The following CROCC2 variants were observed in gnomAD, a reference collection of about 807,000 sequenced individuals.
CROCC2 encodes the protein ciliary rootlet coiled-coil, rootletin family member 2, also known as ciliary rootlet coiled-coil protein 2.
CROCC2 carries 163 observed loss-of-function variants against 177.6 expected under a neutral mutation model. That is an observed-to-expected ratio of 0.92 (90% CI 0.81 to 1.05). The LOEUF (loss-of-function observed/expected upper bound fraction) is 1.05, where lower values mean the gene tolerates loss of function less well. Among genes scored for constraint, CROCC2 ranks in the 50% least tolerant of loss-of-function variants. The pLI is 0.00. For synonymous variants in CROCC2, 904 were observed against 787.3 expected, an observed-to-expected ratio of 1.15 and a Z score of -2.48; for missense variants, 1,929 against 1,797.8, an observed-to-expected ratio of 1.07 and a Z score of -1.32.
At chr2:240,992,526 T>C (rs745912527) in intron 31 of CROCC2, among the ~76,000 whole-genome samples, 1 of 152,270 alleles carries the variant, frequency 6.6e-6, no homozygotes, top group African/African-American at 2.4e-5. Flanking sequence ...GAGGTGGGCA[T>C]ATAGGCTCCT....
At chr2:240,933,614 G>A (rs927968485) in intron 10 of CROCC2, 56 bp from the exon 11 acceptor site, 17 of 1,516,882 alleles carry the variant, frequency 1.1e-5, no homozygotes, top group South Asian at 2.5e-5. Context: ...ACCAAGGCAC[G>A]CGGTGCACCT....
At chr2:240,966,752 T>A (rs1574785896) in intron 25 of CROCC2, among the ~76,000 whole-genome samples, 2 of 152,210 alleles carry the variant, frequency 1.3e-5, no homozygotes, top group South Asian at 4.1e-4. Context: ...CTCCCCTCAA[T>A]GCTCCCAAAG....
intron 5 of CROCC2, among the ~76,000 whole-genome samples, chr2:240,927,795 C>T (rs1004649033): frequency 1.8e-4 from 27 of 152,296 alleles, no homozygotes; most frequent in African/African-American, 5.5e-4. Context: ...GGATTACAGG[C>T]GTGTGCCACC....
chr2:240,929,125 G>C (rs1163097067), intron 5 of CROCC2, among the ~76,000 whole-genome samples: 1 of 152,302 alleles, frequency 6.6e-6, no homozygotes, highest in Non-Finnish European at 1.5e-5. Context: ...TATGGGCTCA[G>C]CTGGGGGGAA....
rs1453306159 is a variant in CROCC2 at position 240,976,333 on chromosome 2, T to C, written c.4402-6547T>C. Among the ~76,000 whole-genome samples the C allele has an allele frequency of 3.2e-4, 35 of 108,456 alleles. 1 individual carries two copies. The highest frequency in any genetic ancestry group is 1.0e-3 in the African/African-American group (30 of 29,404). The allele number at this position is 108,456 out of a possible 152,430, so 71.2% of individuals were successfully genotyped here. A position where few individuals can be genotyped will look rare whatever the true frequency, so the allele number is the denominator to read the frequency against. ...AGCCCAGGCTCATCCCTGCTCAGTC[T>C]CTGGGGTAGGAGCCTCAGGAGCCCA... On this transcript the variant is annotated intron_variant, in intron 27 of 31. Coordinates refer to ENST00000690015, the MANE Select transcript of CROCC2 (RefSeq NM_001351305.2).
chr2:240,948,917 G>A (rs1237505641), intron 15 of CROCC2, 62 bp from the exon 16 acceptor site: 2 of 1,460,466 alleles, frequency 1.4e-6, no homozygotes, highest in Middle Eastern at 1.8e-4. Flanking sequence ...TAAAGCTATA[G>A]AGAGCATTTT....
Position 240,965,938 on chromosome 2 carries a change from G to A in CROCC2, c.3906G>A (p.Gly1302=), listed in dbSNP as rs1474203605. 7.1e-7 allele frequency: 1 copy of A among 1,411,190 alleles called. No homozygotes were observed. Among genetic ancestry groups the A allele is most frequent in the Non-Finnish European group, 9.2e-7 (1 of 1,086,238 alleles). The allele number at this position is 1,411,190 out of a possible 1,614,324, so 87.4% of individuals were successfully genotyped here. The change falls in exon 24 of 32, where the codon GGG becomes GGA. Residue 1302 remains glycine (G), a synonymous_variant. Transcript: ENST00000690015. Reference sequence around the variant, plus strand: ...GCTCCACGCTCCGCCGTGGCCTGGGGCTCCAGAGACAGAGCCCGTGGGCCT... The same window carrying A: ...GCTCCACGCTCCGCCGTGGCCTGGGACTCCAGAGACAGAGCCCGTGGGCCT... ...RLCSTLRRGL[G]LQRQSPWASP... is the part of the protein sequence containing the mutation.
intron 11 of CROCC2, 136 bp downstream of exon 11, chr2:240,933,988 G>A: frequency 1.0e-6 from 1 of 985,820 alleles, no homozygotes; most frequent in Non-Finnish European, 1.5e-6. Flanking sequence ...CCCTAACAGG[G>A]CAGGGGCGGG....
In CROCC2 at chr2:240,916,201, C is replaced by T. The variant is rs1478495729; in HGVS notation, c.79-2525C>T. 2.6e-5 allele frequency among the ~76,000 whole-genome samples: 4 copies of T among 151,998 alleles called. 1 individual carries two copies. The highest frequency in any genetic ancestry group is 2.6e-4 in the Admixed American group (4 of 15,268). On this transcript the variant is annotated intron_variant, in intron 1 of 31. Coordinates refer to ENST00000690015, the MANE Select transcript of CROCC2 (RefSeq NM_001351305.2). ...AAGCGCTTAGGCTGGCGGCACAGGC[C>T]TCCGGACACGCCGACCTCCACCTTC... is the stretch of plus-strand genomic sequence containing the variant.
At chr2:240,919,307 G>A (rs1236626779) in intron 2 of CROCC2, among the ~76,000 whole-genome samples, 1 of 152,144 alleles carries the variant, frequency 6.6e-6, no homozygotes, top group East Asian at 1.9e-4. Flanking sequence ...CACACTTGTG[G>A]CCACCTGCGT....
At chr2:240,914,738 C>T (rs1029610823) in intron 1 of CROCC2, among the ~76,000 whole-genome samples, 2 of 152,194 alleles carry the variant, frequency 1.3e-5, no homozygotes, top group African/African-American at 4.8e-5. Flanking sequence ...ACGTGCTCCC[C>T]CTCCCGCCCC....
At chr2:240,919,116 G>A (rs932797795) in intron 2 of CROCC2, among the ~76,000 whole-genome samples, 1 of 148,860 alleles carries the variant, frequency 6.7e-6, no homozygotes. Context: ...TCCTGGGCCC[G>A]CGGCTGGCCA....
At chr2:240,906,722 A>C in intron 1 of CROCC2, 131 bp downstream of exon 1, 82 of 396,592 alleles carry the variant, frequency 2.1e-4, no homozygotes, top group Middle Eastern at 1.3e-3. Flanking sequence ...CCACTTGCTC[A>C]CGTGTTTGCC....
chr2:240,948,107 C>CGGGGGA (rs2059533955), intron 15 of CROCC2, among the ~76,000 whole-genome samples: 1 of 152,078 alleles, frequency 6.6e-6, no homozygotes, highest in Non-Finnish European at 1.5e-5. Flanking sequence ...GAAGAGCTGC[C>CGGGGGA]AGGTGAAGAG....
chr2:240,990,167 C>T (rs965944545), intron 30 of CROCC2, among the ~76,000 whole-genome samples: 1 of 152,216 alleles, frequency 6.6e-6, no homozygotes, highest in African/African-American at 2.4e-5. Context: ...GTGTGAGGTG[C>T]TTAGACAGCA....
chr2:240,928,231 G>A (rs1033759921), intron 5 of CROCC2, among the ~76,000 whole-genome samples: 4 of 152,218 alleles, frequency 2.6e-5, no homozygotes, highest in African/African-American at 9.7e-5. Flanking sequence ...GTTTCTGATA[G>A]ATGCCAAGGG....
At chr2:240,991,069 C>A in intron 30 of CROCC2, 127 bp from the exon 31 acceptor site, 2 of 609,198 alleles carry the variant, frequency 3.3e-6, no homozygotes, top group Non-Finnish European at 5.5e-6. Context: ...ATGCATGCCA[C>A]CTCTCCTTGG....
chr2:240,933,312 A>T lies in CROCC2; in HGVS notation c.1433A>T (p.Gln478Leu). The T allele has an allele frequency of 6.5e-7, 1 of 1,536,820 alleles. No individual in the cohort carries two copies. The highest frequency in any genetic ancestry group is 8.7e-7 in the Non-Finnish European group (1 of 1,142,960). Residue 478 changes from glutamine to leucine, a missense_variant, in exon 10 of 32, where the codon CAG becomes CTG. Physicochemically the swap from Gln to Leu is moderately radical, Grantham distance 113. Coordinates refer to ENST00000690015, the MANE Select transcript of CROCC2 (RefSeq NM_001351305.2). ...GAGGCCCAGAGGCTCGAGGTGCAGC[A>T]GTGCCGGGCATCCTGCAAGCTCCTG... is the stretch of plus-strand genomic sequence containing the variant. ...QLEAQRLEVQ[Q>L]CRASCKLLGR...
intron 27 of CROCC2, among the ~76,000 whole-genome samples, chr2:240,978,079 T>A (rs2059776848): frequency 1.3e-5 from 1 of 78,526 alleles, no homozygotes; most frequent in African/African-American, 6.1e-5. Context: ...GGCTCATCCC[T>A]GCTCAGGCTC....
Sources: gnomAD v4.1 joint callset for allele counts (sites outside exome capture counted in the v4.1 genomes callset) on GRCh38, gnomAD v4.1.1 for gene constraint, MANE v1.5 for transcripts, NCBI Gene and HGNC (gene_info 2026-07-23, HGNC 2026-07-21) for gene names.